The following PTGR3 variants were observed in gnomAD, a reference collection of about 807,000 sequenced individuals.
PTGR3 encodes the protein zinc binding alcohol dehydrogenase domain containing 2.
At chr18:75,201,151 T>C in the PTGR3 span, 1 of 438,952 alleles carries the variant, frequency 2.3e-6, no homozygotes, top group African/African-American at 2.0e-5. Context: ...CAATAACATC[T>C]GGAACGAGAC....
the PTGR3 span, among the ~76,000 whole-genome samples, chr18:75,203,706 TG>T: frequency 6.6e-6 from 1 of 152,196 alleles, no homozygotes; most frequent in African/African-American, 2.4e-5. Context: ...TGAGTTTTGC[TG>T]GTTTCTTATT....
chr18:75,203,656 C>T, the PTGR3 span, among the ~76,000 whole-genome samples: 19 of 152,302 alleles, frequency 1.2e-4, no homozygotes. Context: ...CACACAATTC[C>T]ATACCCGTGG....
At chr18:75,206,280 A>G in the PTGR3 span, among the ~76,000 whole-genome samples, 44 of 152,340 alleles carry the variant, frequency 2.9e-4, no homozygotes, top group South Asian at 6.2e-4. Flanking sequence ...TGAATGAAGA[A>G]TTTGTATTTT....
the PTGR3 span, chr18:75,209,129 G>T: frequency 7.8e-6 from 10 of 1,289,026 alleles, no homozygotes; most frequent in Non-Finnish European, 9.9e-6. This position sits in a 1 kb window ranked among gnomAD's most constrained non-coding sequence, Gnocchi z 4.7. Flanking sequence ...CGCTCGGCTC[G>T]GCTGTGCTCT....
the PTGR3 span, chr18:75,197,810 A>C: frequency 3.3e-5 from 5 of 152,250 alleles, no homozygotes; most frequent in Non-Finnish European, 5.9e-5. Flanking sequence ...TTATGAATTC[A>C]TCAAATCAGG....
the PTGR3 span, among the ~76,000 whole-genome samples, chr18:75,205,727 GAAAA>G: frequency 3.4e-5 from 4 of 117,114 alleles, no homozygotes; most frequent in Admixed American, 1.9e-4. Flanking sequence ...AGAAAAAAAA[GAAAA>G]AAGAAAGAAA....
chr18:75,197,346 A>G, the PTGR3 span: 2 of 152,198 alleles, frequency 1.3e-5, no homozygotes, highest in Non-Finnish European at 2.9e-5. Context: ...TATTTATTTC[A>G]CATTGCATGC....
chr18:75,208,289 G>T, the PTGR3 span: 3 of 969,696 alleles, frequency 3.1e-6, no homozygotes, highest in Non-Finnish European at 3.7e-6. Flanking sequence ...CTGACAGCAC[G>T]CAGACAACAC....
chr18:75,203,675 C>A, the PTGR3 span, among the ~76,000 whole-genome samples: 2 of 152,152 alleles, frequency 1.3e-5, no homozygotes, highest in African/African-American at 2.4e-5. Context: ...GGAAGATACA[C>A]AATCATGAGA....
chr18:75,204,742 C>G, the PTGR3 span, among the ~76,000 whole-genome samples: 4 of 152,100 alleles, frequency 2.6e-5, no homozygotes, highest in African/African-American at 9.7e-5. Context: ...GGCCTGCGAC[C>G]GTGACCTCGG....
the PTGR3 span, chr18:75,205,308 G>T: frequency 1.0e-6 from 1 of 985,738 alleles, no homozygotes; most frequent in South Asian, 4.7e-5. Context: ...AAGGGCCAGG[G>T]AGCCACAGAA....
At chr18:75,206,323 C>G in the PTGR3 span, among the ~76,000 whole-genome samples, 2 of 152,116 alleles carry the variant, frequency 1.3e-5, no homozygotes, top group Non-Finnish European at 2.9e-5. Flanking sequence ...GCAAATTGTT[C>G]ACTGAAAGAA....
the PTGR3 span, chr18:75,197,948 T>C: frequency 6.6e-6 from 1 of 152,244 alleles, no homozygotes; most frequent in Non-Finnish European, 1.5e-5. Flanking sequence ...AATCTACTTT[T>C]ATGTAAATCT....
At chr18:75,198,854 T>C in the PTGR3 span, 2 of 152,552 alleles carry the variant, frequency 1.3e-5, no homozygotes, top group South Asian at 2.1e-4. Context: ...CTTTTTGTGA[T>C]ATGTATTACA....
At chr18:75,205,539 A>T in the PTGR3 span, 1 of 965,086 alleles carries the variant, frequency 1.0e-6, no homozygotes, top group East Asian at 1.2e-4. Context: ...TCACCAGCTT[A>T]TATGTACTTA....
chr18:75,201,807 A>T, the PTGR3 span: 1 of 1,614,126 alleles, frequency 6.2e-7, no homozygotes. Context: ...GGCTCCCCCA[A>T]CAGATTCATA....
the PTGR3 span, chr18:75,201,778 C>T: frequency 1.1e-5 from 18 of 1,614,224 alleles, no homozygotes; most frequent in Non-Finnish European, 1.5e-5. Context: ...GCCAGGGCGT[C>T]TACAGCCAAG....
At chr18:75,205,067 G>T in the PTGR3 span, 1 of 829,344 alleles carries the variant, frequency 1.2e-6, no homozygotes, top group Non-Finnish European at 1.5e-6. Flanking sequence ...GCGCCGCGCT[G>T]TCTCCTTGGT....
At chr18:75,200,421 T>G in the PTGR3 span, 1 of 152,228 alleles carries the variant, frequency 6.6e-6, no homozygotes, top group African/African-American at 2.4e-5. Flanking sequence ...AGGTAACGCA[T>G]AGCTTCTAGT....
Sources: gnomAD v4.1 joint callset for allele counts (sites outside exome capture counted in the v4.1 genomes callset) on GRCh38, gnomAD v4.1.1 for gene constraint, Gnocchi (gnomAD v3.1) non-coding constraint, MANE v1.5 for transcripts, NCBI Gene and HGNC (gene_info 2026-07-23, HGNC 2026-07-21) for gene names.